The following TRIO variants were observed in gnomAD, a reference collection of about 807,000 sequenced individuals.
TRIO encodes the protein trio Rho guanine nucleotide exchange factor, also known as triple functional domain protein.
In TRIO, 58 loss-of-function variants were observed where a neutral mutation model predicts 351.9. The ratio of observed to expected loss-of-function variants is 0.16; its 90% confidence interval spans 0.13 to 0.21. The LOEUF (loss-of-function observed/expected upper bound fraction) is 0.21, where lower values mean the gene tolerates loss of function less well. Among genes scored for constraint, TRIO ranks in the 10% least tolerant of loss-of-function variants. The probability of loss-of-function intolerance (pLI) is 1.00; values close to 1 mark genes in which losing one functional copy is unlikely to be tolerated. For missense variants in TRIO, 3,201 were observed against 4,027.8 expected, an observed-to-expected ratio of 0.79 and a Z score of 5.56; for synonymous variants, 1,758 against 1,595.7, an observed-to-expected ratio of 1.10 and a Z score of -2.42.
chr5:14,348,726 G>A (rs1032372848), intron 11 of TRIO, among the ~76,000 whole-genome samples: 1 of 152,062 alleles, frequency 6.6e-6, no homozygotes, highest in South Asian at 2.1e-4. Context: ...GTACGCACAT[G>A]AGCATGTGTT....
Position 14,401,833 on chromosome 5 carries a change from A to G in TRIO, c.4716+769A>G, listed in dbSNP as rs545535229. ...GGGATGTTTGGGGGACGGTGGAGCT[A>G]AGGCTTATCGAATATTGGGAGATGA... On this transcript the variant is annotated intron_variant, in intron 31 of 56. Transcript: ENST00000344204. Among the ~76,000 whole-genome samples, 9 of 152,292 alleles carry G rather than the reference A, an allele frequency of 5.9e-5. No homozygotes were observed. The South Asian group carries it at 1.9e-3, about 32-fold the overall frequency.
At position 14,508,113 on chromosome 5, in the gene TRIO, C is replaced by G; in HGVS notation, c.8985C>G (p.Asp2995Glu). The change falls in exon 57 of 57, where the codon GAC becomes GAG. Residue 2995 changes from aspartate to glutamate, a missense_variant. Around this residue, in one of 19 missense-constraint regions of TRIO, gnomAD observed 233 missense variants for 292.6 expected, o/e 0.80. Transcript: ENST00000344204. ...GTGGCGTGTCCCCCTTCCTGGATGACAGTGTGGAAGAGACCTGCCTGAACA... is the reference window on the plus strand; with the variant it reads ...GTGGCGTGTCCCCCTTCCTGGATGAGAGTGTGGAAGAGACCTGCCTGAACA... ...LLSGVSPFLD[D>E]SVEETCLNIC... 6.2e-7 allele frequency: 1 copy of G among 1,614,184 alleles called. No individual in the cohort carries two copies. Among genetic ancestry groups the G allele is most frequent in the Non-Finnish European group, 8.5e-7 (1 of 1,180,030 alleles).
At chr5:14,366,366 G>A (rs765739743) in intron 15 of TRIO, among the ~76,000 whole-genome samples, 27 of 152,118 alleles carry the variant, frequency 1.8e-4, no homozygotes, top group Non-Finnish European at 2.8e-4. Flanking sequence ...GATCATTGTA[G>A]CACAATGTTA....
chr5:14,213,896 G>A (rs1041595011), intron 1 of TRIO, among the ~76,000 whole-genome samples: 6 of 152,238 alleles, frequency 3.9e-5, no homozygotes, highest in African/African-American at 1.2e-4. Flanking sequence ...GACAGTGAGG[G>A]ACGGGGCTGT....
chr5:14,338,873 G>A (rs1202840589), intron 11 of TRIO, among the ~76,000 whole-genome samples: 1 of 152,206 alleles, frequency 6.6e-6, no homozygotes, highest in Admixed American at 6.5e-5. Context: ...TGGAGCTGGT[G>A]TTTGTGTGGC....
intron 34 of TRIO, among the ~76,000 whole-genome samples, chr5:14,421,281 A>ATTTTAT (rs1750129109): frequency 1.0e-5 from 1 of 96,292 alleles, no homozygotes; most frequent in Non-Finnish European, 2.4e-5. Flanking sequence ...ATTTTATTTT[A>ATTTTAT]TTTTTTCCTG....
At position 14,503,438 on chromosome 5, in the gene TRIO, G is replaced by C. The variant is rs549147599; in HGVS notation, c.8411+781G>C. ...CAGTGGTGACATGTGCCTTCTTCCA[G>C]TGCAGTGGGCAGATGGGACCATTAT... On this transcript the variant is annotated intron_variant, in intron 54 of 56. Coordinates refer to ENST00000344204, the MANE Select transcript of TRIO (RefSeq NM_007118.4). 2.0e-5 allele frequency among the ~76,000 whole-genome samples: 3 copies of C among 152,376 alleles called. No homozygotes were observed. In the East Asian group the frequency reaches 5.8e-4, roughly 29 times the overall value.
intron 18 of TRIO, among the ~76,000 whole-genome samples, chr5:14,370,957 T>A (rs960145053): frequency 6.6e-6 from 1 of 152,214 alleles, no homozygotes; most frequent in South Asian, 2.1e-4. Context: ...CAAGTTACGA[T>A]GGTTTGACTT....
At chr5:14,488,419 C>A in intron 48 of TRIO, 159 bp downstream of exon 48, 1 of 1,103,306 alleles carries the variant, frequency 9.1e-7, no homozygotes, top group Non-Finnish European at 1.3e-6. Flanking sequence ...TGCGGGCCGG[C>A]CCACGGCGCT....
In TRIO at chr5:14,482,758, T is replaced by A. The variant is rs1448409694; in HGVS notation, c.6642T>A (p.Phe2214Leu). Residue 2214 changes from phenylalanine (F) to leucine (L), a missense_variant, in exon 46 of 57, where the codon TTT (phenylalanine) becomes TTA (leucine). Phe to Leu is a conservative substitution (Grantham distance 22). Coordinates refer to ENST00000344204, the MANE Select transcript of TRIO (RefSeq NM_007118.4). Reference protein sequence around the residue: ...KKGFSMPGFLFKNSIKVSCLC... With the variant: ...KKGFSMPGFLLKNSIKVSCLC... ...GCTTCTCCATGCCGGGATTCCTGTTTAAGAACAGTATCAAGGTAACGTGTG... is the reference window on the plus strand; with the variant it reads ...GCTTCTCCATGCCGGGATTCCTGTTAAAGAACAGTATCAAGGTAACGTGTG... 1 of 1,601,146 alleles carries A rather than the reference T, an allele frequency of 6.2e-7. No individual in the cohort carries two copies. The highest frequency in any genetic ancestry group is 1.7e-5 in the Admixed American group (1 of 58,778).
chr5:14,336,608 G>A lies in TRIO; in HGVS notation c.1927G>A (p.Glu643Lys), dbSNP rs918238000. Reference sequence around the variant, plus strand: ...GGCTCAGACTGGGGAATGTGACCCCGAAGAGATTTATCAGGCTGCCCATCA... The same window carrying A: ...GGCTCAGACTGGGGAATGTGACCCCAAAGAGATTTATCAGGCTGCCCATCA... The part of the protein sequence containing the change: ...QLAQTGECDP[E>K]EIYQAAHQLE... Residue 643 changes from glutamate to lysine, a missense_variant, in exon 11 of 57, where the codon GAA (glutamate) becomes AAA (lysine). Glu to Lys is a moderately conservative substitution (Grantham distance 56, BLOSUM62 1). Transcript: ENST00000344204. 3 of 1,614,162 alleles carry A rather than the reference G, an allele frequency of 1.9e-6. No homozygotes were observed. The highest frequency in any genetic ancestry group is 1.7e-6 in the Non-Finnish European group (2 of 1,180,030).
intron 21 of TRIO, among the ~76,000 whole-genome samples, chr5:14,381,684 A>G (rs964741197): frequency 2.0e-5 from 3 of 152,128 alleles, no homozygotes; most frequent in African/African-American, 7.2e-5. Context: ...AAACTGTTAC[A>G]GTCGTGTTGC....
At chr5:14,216,005 G>A (rs757093827) in intron 1 of TRIO, among the ~76,000 whole-genome samples, 7 of 152,096 alleles carry the variant, frequency 4.6e-5, no homozygotes, top group African/African-American at 9.7e-5. Context: ...TTCTCTGTGC[G>A]TTAGTTTCCT....
intron 11 of TRIO, among the ~76,000 whole-genome samples, chr5:14,351,054 A>T (rs1743039650): frequency 1.3e-5 from 2 of 152,142 alleles, no homozygotes. Flanking sequence ...CTCAGGTGTT[A>T]ATGACCACTT....
At chr5:14,429,332 T>C (rs574650402) in intron 34 of TRIO, among the ~76,000 whole-genome samples, 67 of 152,354 alleles carry the variant, frequency 4.4e-4, no homozygotes, top group African/African-American at 1.3e-3. Flanking sequence ...TCTTGCCTTA[T>C]GTTCCTTTCT....
chr5:14,246,028 G>A (rs929128680), intron 1 of TRIO, among the ~76,000 whole-genome samples: 23 of 152,174 alleles, frequency 1.5e-4, no homozygotes, highest in African/African-American at 5.3e-4. Flanking sequence ...AACGATATAA[G>A]GGGAAAAACA....
chr5:14,356,230 A>C (rs565492591), intron 11 of TRIO, among the ~76,000 whole-genome samples: 1 of 152,346 alleles, frequency 6.6e-6, no homozygotes, highest in Admixed American at 6.5e-5. Flanking sequence ...CAGTGAACAA[A>C]TTGTAGTATG....
chr5:14,490,941 C>A, intron 48 of TRIO: 1 of 439,954 alleles, frequency 2.3e-6, no homozygotes, highest in South Asian at 1.6e-5. Context: ...AATGAGTATG[C>A]ACAAGCCAAA....
intron 1 of TRIO, among the ~76,000 whole-genome samples, chr5:14,207,267 AC>A (rs1791519160): frequency 1.5e-5 from 1 of 67,222 alleles, no homozygotes; most frequent in South Asian, 5.4e-4. Context: ...GTCTCTACAC[AC>A]ACACACACAC....
Sources: allele counts gnomAD v4.1 joint callset (sites outside exome capture counted in the v4.1 genomes callset), GRCh38; gene constraint gnomAD v4.1.1; regional missense constraint gnomAD v4.1.1; transcripts MANE v1.5; gene names NCBI Gene and HGNC (gene_info 2026-07-23, HGNC 2026-07-21).